Variants in GNAS observed in about 807,000 individuals in gnomAD.
GNAS encodes the protein GNAS complex locus, also known as protein ALEX.
A neutral mutation model predicts 54.5 loss-of-function variants in GNAS; 8 were observed. The ratio of observed to expected loss-of-function variants is 0.15; its 90% CI spans 0.09 to 0.26. The LOEUF is 0.26. Among genes scored for constraint, GNAS ranks in the 10% least tolerant of loss-of-function variants. GNAS has a pLI of 1.00. For synonymous variants in GNAS, 204 were observed against 191.4 expected (o/e 1.07, Z -0.54); for missense variants, 170 against 529.8 (o/e 0.32, Z 6.67).
chr20:58,899,690 GACACGCACACACATC>G (rs1487272075), intron 3 of GNAS, among the ~76,000 whole-genome samples: 10 of 150,954 alleles, frequency 6.6e-5, no homozygotes, highest in South Asian at 6.3e-4. Context: ...TGCATACACA[GACACGCACACACATC>G]ACACGCACAC....
At position 58,891,625 on chromosome 20, in the gene GNAS, G is replaced by A. The variant is rs2089336922; in HGVS notation, c.-102G>A. On this transcript the variant is annotated 5_prime_UTR_variant, in exon 1 of 13. Coordinates refer to ENST00000371085, the MANE Select transcript of GNAS (RefSeq NM_000516.7). ...TGCCGAGGAGCCGAGCCCGCGCCCG[G>A]CCCGCCCGCCCGGCGCTGCCCCGGC... 1.2e-5 allele frequency: 12 copies of A among 965,428 alleles called. No homozygotes were observed. The highest frequency in any genetic ancestry group is 1.9e-5 in the African/African-American group (1 of 53,590). The allele number at this position is 965,428 out of a possible 1,614,324, so 59.8% of individuals were successfully genotyped here.
chr20:58,857,813 C>T lies in GNAS; in HGVS notation c.43+16927C>T, dbSNP rs2086581208. ...TTTCCTTTGTCTCCCCTTATTTTGT[C>T]ACCAGGAGTAAAAATTAACTTTAAG... On this transcript the variant is annotated intron_variant, in intron 1 of 12. Coordinates refer to the GNAS transcript ENST00000306090. The surrounding 1 kb of genome is among the most constrained non-coding windows in gnomAD (Gnocchi z 4.1). 6.6e-6 allele frequency among the ~76,000 whole-genome samples: 1 copy of T among 152,128 alleles called. No individual in the cohort carries two copies. Among genetic ancestry groups the T allele is most frequent in the Non-Finnish European group, 1.5e-5 (1 of 68,022 alleles).
chr20:58,869,452 A>G (rs1365280701), intron 1 of GNAS, among the ~76,000 whole-genome samples: 1 of 152,182 alleles, frequency 6.6e-6, no homozygotes, highest in Non-Finnish European at 1.5e-5. Flanking sequence ...TCTTTGTGGG[A>G]GCAGAGTTTG....
intron 1 of GNAS, among the ~76,000 whole-genome samples, chr20:58,868,022 C>CTTTTTTTTTTT (rs370255144): frequency 7.5e-6 from 1 of 132,616 alleles, no homozygotes; most frequent in African/African-American, 2.9e-5. Flanking sequence ...TTCTTTCTTT[C>CTTTTTTTTTTT]TTTTTTTTTT....
chr20:58,842,464 G>A, intron 1 of GNAS: 1 of 398,632 alleles, frequency 2.5e-6, no homozygotes, highest in Non-Finnish European at 4.4e-6. Flanking sequence ...GACCTATTCC[G>A]TAGGAAAGGC....
Position 58,899,005 on chromosome 20 carries a change from GA to G in GNAS, c.257+26del. 1 of 1,599,844 alleles carries G rather than the reference GA, an allele frequency of 6.3e-7. No homozygotes were observed. Among genetic ancestry groups the G allele is most frequent in the Non-Finnish European group, 8.6e-7 (1 of 1,167,116 alleles). On this transcript the variant is annotated intron_variant, in intron 3 of 12. Coordinates refer to ENST00000371085, the MANE Select transcript of GNAS (RefSeq NM_000516.7). ...CGATGGGTAGGCACATTCAAAACCA[GA>G]AAAAATTGTTAACAAACCAAACAAA...
rs1394557997 is a variant in GNAS at position 58,910,348 on chromosome 20, G to A, written c.985G>A (p.Gly329Arg). The change falls in exon 12 of 13, where the codon GGA (glycine) becomes AGA (arginine). Residue 329 changes from glycine (G) to arginine (R), a missense_variant. Physicochemically the swap from Gly to Arg is moderately radical, Grantham distance 125. Coordinates refer to ENST00000371085, the MANE Select transcript of GNAS (RefSeq NM_000516.7). This position sits in a 1 kb window ranked among gnomAD's most constrained non-coding sequence, Gnocchi z 5.8. ...TTPEDATPEP[G>R]EDPRVTRAKY... Reference sequence around the variant, plus strand: ...TTTTTATATAGCTACTCCCGAGCCCGGAGAGGACCCACGCGTGACCCGGGC... The same window carrying A: ...TTTTTATATAGCTACTCCCGAGCCCAGAGAGGACCCACGCGTGACCCGGGC... The A allele has an allele frequency of 2.5e-6, 4 of 1,610,942 alleles. No individual in the cohort carries two copies. Among genetic ancestry groups the A allele is most frequent in the Non-Finnish European group, 3.4e-6 (4 of 1,177,232 alleles).
In GNAS at chr20:58,910,671, T is replaced by C. The variant is rs747541981; in HGVS notation, c.1039-12T>C. 5.6e-6 allele frequency: 9 copies of C among 1,613,956 alleles called. No homozygotes were observed. The highest frequency in any genetic ancestry group is 6.8e-6 in the Non-Finnish European group (8 of 1,180,000). ...GGGTGTCACTGACAAGTCCCCTTGT[T>C]TGTGCCCGCAGAGGATCAGCACTGC... On this transcript the variant is annotated splice_polypyrimidine_tract_variant and intron_variant, in intron 12 of 12. Coordinates refer to ENST00000371085, the MANE Select transcript of GNAS (RefSeq NM_000516.7). This position sits in a 1 kb window ranked among gnomAD's most constrained non-coding sequence, Gnocchi z 5.8.
chr20:58,868,394 T>C (rs1032936879), intron 1 of GNAS, among the ~76,000 whole-genome samples: 17 of 151,910 alleles, frequency 1.1e-4, no homozygotes, highest in Non-Finnish European at 2.4e-4. Flanking sequence ...CTTCAGATGA[T>C]CCGCCCACCT....
In GNAS at chr20:58,857,722, A is replaced by G. The variant is rs2086578546; in HGVS notation, c.43+16836A>G. Among the ~76,000 whole-genome samples the G allele has an allele frequency of 6.6e-6, 1 of 152,182 alleles. No individual in the cohort carries two copies. Among genetic ancestry groups the G allele is most frequent in the Non-Finnish European group, 1.5e-5 (1 of 68,032 alleles). ...TCAGGACTGGAGACTTATACCATAGATTGTGCAGCCATCAATCCTGCAGCA... is the reference window on the plus strand; with the variant it reads ...TCAGGACTGGAGACTTATACCATAGGTTGTGCAGCCATCAATCCTGCAGCA... On this transcript the variant is annotated intron_variant, in intron 1 of 12. Transcript: ENST00000306090. The surrounding 1 kb of genome is among the most constrained non-coding windows in gnomAD (Gnocchi z 4.1).
intron 1 of GNAS, among the ~76,000 whole-genome samples, chr20:58,886,210 G>A (rs1257974471): frequency 2.0e-5 from 3 of 152,170 alleles, no homozygotes; most frequent in African/African-American, 4.8e-5. Flanking sequence ...GATGTGGGAC[G>A]TTGTTCATTG....
chr20:58,887,564 T>A (rs2088678223), upstream of GNAS, among the ~76,000 whole-genome samples: 1 of 152,220 alleles, frequency 6.6e-6, no homozygotes, highest in Non-Finnish European at 1.5e-5. Flanking sequence ...AATATTTTTA[T>A]GCATCTTTGG....
At chr20:58,883,830 T>C (rs1419654832) in intron 1 of GNAS, among the ~76,000 whole-genome samples, 1 of 152,170 alleles carries the variant, frequency 6.6e-6, no homozygotes, top group African/African-American at 2.4e-5. Flanking sequence ...GCCCTCCTCA[T>C]TGGGAGCTGT....
intron 2 of GNAS, among the ~76,000 whole-genome samples, chr20:58,897,262 C>T (rs948441538): frequency 3.3e-5 from 5 of 152,192 alleles, no homozygotes; most frequent in African/African-American, 7.2e-5. Flanking sequence ...GCCCTGCCAG[C>T]GGAGACTGCC....
intron 1 of GNAS, chr20:58,855,361 A>G (rs1023836389): frequency 1.5e-5 from 23 of 1,549,418 alleles, no homozygotes; most frequent in African/African-American, 2.7e-5. Context: ...GCCTGCGGGC[A>G]GCAGGGCCGC....
chr20:58,875,845 T>C (rs1235853815), intron 1 of GNAS, among the ~76,000 whole-genome samples: 1 of 152,234 alleles, frequency 6.6e-6, no homozygotes, highest in Non-Finnish European at 1.5e-5. Context: ...GCTTGAGTAC[T>C]ATACGGTTGC....
intron 3 of GNAS, chr20:58,900,084 G>C: frequency 7.4e-6 from 4 of 541,544 alleles, no homozygotes; most frequent in African/African-American, 3.9e-5. Context: ...GGGGAGGGGG[G>C]ATGGGGCCCC....
intron 1 of GNAS, 136 bp downstream of exon 1, chr20:58,892,001 G>A (rs548589280): frequency 1.3e-6 from 1 of 770,592 alleles, no homozygotes; most frequent in African/African-American, 1.9e-5. Flanking sequence ...CTCTGTCTGT[G>A]GGGGGCGAGG....
chr20:58,898,726 G>C, intron 2 of GNAS: 1 of 641,218 alleles, frequency 1.6e-6, no homozygotes, highest in East Asian at 2.7e-5. Flanking sequence ...TGCAGCAAAG[G>C]TGTGGGATTC....
Sources: allele counts gnomAD v4.1 joint callset (sites outside exome capture counted in the v4.1 genomes callset), GRCh38; gene constraint gnomAD v4.1.1; non-coding constraint Gnocchi (gnomAD v3.1); transcripts MANE v1.5; gene names NCBI Gene and HGNC (gene_info 2026-07-23, HGNC 2026-07-21).